The following TRIM67 variants were observed in gnomAD, a reference collection of about 807,000 sequenced individuals.
TRIM67 encodes the protein tripartite motif containing 67.
TRIM67 carries 39 observed loss-of-function variants against 71.0 expected under a neutral mutation model. The observed-to-expected ratio is 0.55, with a 90% CI of 0.43 to 0.72. The LOEUF is 0.72. Among genes scored for constraint, TRIM67 ranks in the 30% least tolerant of loss-of-function variants. The pLI is 0.00. For missense variants in TRIM67, 973 were observed against 1,079.2 expected, an observed-to-expected ratio of 0.90 and a Z score of 1.38; for synonymous variants, 481 against 473.9, an observed-to-expected ratio of 1.01 and a Z score of -0.19.
chr1:231,207,757 G>A (rs1005598754), intron 7 of TRIM67, among the ~76,000 whole-genome samples: 7 of 152,240 alleles, frequency 4.6e-5, no homozygotes, highest in East Asian at 1.9e-4. Flanking sequence ...AGGAGAGCTC[G>A]CTAGCTTCTG....
At chr1:231,183,726 C>T (rs1426912614) in intron 1 of TRIM67, among the ~76,000 whole-genome samples, 1 of 152,116 alleles carries the variant, frequency 6.6e-6, no homozygotes, top group Non-Finnish European at 1.5e-5. Context: ...ACGTAGATAG[C>T]ATTGAATATG....
chr1:231,213,005 CT>C (rs745816188), intron 8 of TRIM67, among the ~76,000 whole-genome samples: 1 of 152,098 alleles, frequency 6.6e-6, no homozygotes, highest in Non-Finnish European at 1.5e-5. Flanking sequence ...CCATACGCTG[CT>C]TTTTGAGGGA....
chr1:231,220,571 G>T lies in TRIM67; in HGVS notation c.*5131G>T, dbSNP rs113315763. 6.6e-6 allele frequency: 1 copy of T among 152,328 alleles called. No homozygotes were observed. The highest frequency in any genetic ancestry group is 1.5e-5 in the Non-Finnish European group (1 of 68,138). The allele number at this position is 152,328 out of a possible 1,614,324, so 9.4% of individuals were successfully genotyped here. ...GTTTGAAATCCAGTGTGGATAGCAC[G>T]AAGAGATGCAACTGAGCCGAAGTTT... is the stretch of plus-strand genomic sequence containing the variant. On this transcript the variant is annotated 3_prime_UTR_variant, in exon 10 of 10. Transcript: ENST00000366653.
At chr1:231,167,602 G>T (rs1457145481) in intron 1 of TRIM67, among the ~76,000 whole-genome samples, 5 of 106,144 alleles carry the variant, frequency 4.7e-5, no homozygotes, top group Non-Finnish European at 8.5e-5. Context: ...GATTACAGGC[G>T]TGAGCCACCG....
intron 3 of TRIM67, 61 bp downstream of exon 3, chr1:231,199,230 G>T: frequency 1.3e-6 from 2 of 1,539,664 alleles, no homozygotes; most frequent in Non-Finnish European, 1.8e-6. Context: ...CCAGCGTGGG[G>T]TGGAGCACAG....
chr1:231,195,694 T>C (rs544754286), intron 1 of TRIM67, among the ~76,000 whole-genome samples: 8 of 152,322 alleles, frequency 5.3e-5, no homozygotes, highest in East Asian at 1.9e-4. Context: ...CTGTGTCTTT[T>C]TGTGGGCTTC....
intron 3 of TRIM67, among the ~76,000 whole-genome samples, 159 bp from the exon 4 acceptor site, chr1:231,199,987 ATG>A (rs1683474887): frequency 6.6e-6 from 1 of 152,208 alleles, no homozygotes; most frequent in African/African-American, 2.4e-5. Flanking sequence ...AAGAGGACAC[ATG>A]GAGCTTAGCA....
In TRIM67 at chr1:231,162,355, G is replaced by C. The variant is rs1270444652; in HGVS notation, c.-615G>C. ...GAGGTGGCCGCGGCCCCAGCGACCC[G>C]GCGGGTGGCGGCCCAGGGGTCGGCG... On this transcript the variant is annotated 5_prime_UTR_variant, in exon 1 of 10. Transcript: ENST00000366653. The C allele has an allele frequency of 1.3e-5, 2 of 152,176 alleles. No homozygotes were observed. Among genetic ancestry groups the C allele is most frequent in the Non-Finnish European group, 2.9e-5 (2 of 68,042 alleles). 9.4% of individuals were successfully genotyped at this position (152,176 alleles called of 1,614,324 possible).
At position 231,215,950 on chromosome 1, in the gene TRIM67, C is replaced by CA; in HGVS notation, c.*510_*511insA. ...TGCTGAGAAAGTTATCTTTTAGCTTCTTGGTCCTAGAGTCTTTAGTAGCAC... is the reference window on the plus strand; with the variant it reads ...TGCTGAGAAAGTTATCTTTTAGCTTCATTGGTCCTAGAGTCTTTAGTAGCAC... On this transcript the variant is annotated 3_prime_UTR_variant, in exon 10 of 10. Transcript: ENST00000366653. 1.0e-6 allele frequency: 1 copy of CA among 987,134 alleles called. No homozygotes were observed. 61.1% of individuals were successfully genotyped at this position (987,134 alleles called of 1,614,324 possible). A position where few individuals can be genotyped will look rare whatever the true frequency, so the allele number is the denominator to read the frequency against.
In TRIM67 at chr1:231,216,221, C is replaced by G. The variant is rs1684010082; in HGVS notation, c.*781C>G. On this transcript the variant is annotated 3_prime_UTR_variant, in exon 10 of 10. Coordinates refer to ENST00000366653, the MANE Select transcript of TRIM67 (RefSeq NM_001004342.5). ...CTCTCTTTCTTCCTTTCCTCCTTCT[C>G]TCTTACTTTCCTCCATCCCTGCCTC... is the stretch of plus-strand genomic sequence containing the variant. 1.0e-6 allele frequency: 1 copy of G among 960,420 alleles called. No homozygotes were observed. Among genetic ancestry groups the G allele is most frequent in the Non-Finnish European group, 1.2e-6 (1 of 807,834 alleles). 59.5% of individuals were successfully genotyped at this position (960,420 alleles called of 1,614,324 possible). A position where few individuals can be genotyped will look rare whatever the true frequency, so the allele number is the denominator to read the frequency against.
chr1:231,212,319 G>A (rs1417234401), intron 8 of TRIM67, among the ~76,000 whole-genome samples: 1 of 152,172 alleles, frequency 6.6e-6, no homozygotes, highest in African/African-American at 2.4e-5. Context: ...TTATCTCTTA[G>A]AGAAAAATCC....
intron 4 of TRIM67, 120 bp downstream of exon 4, chr1:231,200,378 T>C (rs12069815): frequency 0.14 from 89,831 of 645,858 alleles, 8,847 homozygotes; most frequent in African/African-American, 0.4. Flanking sequence ...TTCTCCTTTG[T>C]TCAATGATTC....
At chr1:231,203,815 C>G in intron 5 of TRIM67, 52 bp from the exon 6 acceptor site, 1 of 1,578,690 alleles carries the variant, frequency 6.3e-7, no homozygotes, top group Non-Finnish European at 8.6e-7. Flanking sequence ...GGGGACCGGG[C>G]TGGGGCCCTC....
intron 8 of TRIM67, among the ~76,000 whole-genome samples, chr1:231,212,220 G>T (rs997644583): frequency 6.6e-6 from 1 of 152,194 alleles, no homozygotes; most frequent in African/African-American, 2.4e-5. Flanking sequence ...GTTACAAGAA[G>T]AGCAACGGTA....
At chr1:231,176,895 A>G (rs1008631454) in intron 1 of TRIM67, among the ~76,000 whole-genome samples, 2 of 131,592 alleles carry the variant, frequency 1.5e-5, no homozygotes, top group East Asian at 2.4e-4. Flanking sequence ...CTGTTTGCCA[A>G]TACAATCTGG....
At chr1:231,178,425 G>A (rs939759102) in intron 1 of TRIM67, among the ~76,000 whole-genome samples, 1 of 152,224 alleles carries the variant, frequency 6.6e-6, no homozygotes. Flanking sequence ...TACACCACAT[G>A]TGCGTGTTCA....
chr1:231,215,856 A>G lies in TRIM67; in HGVS notation c.*416A>G. 3 of 1,003,046 alleles carry G rather than the reference A, an allele frequency of 3.0e-6. No individual in the cohort carries two copies. Among genetic ancestry groups the G allele is most frequent in the African/African-American group, 1.7e-5 (1 of 58,246 alleles). The allele number at this position is 1,003,046 out of a possible 1,614,324, so 62.1% of individuals were successfully genotyped here. On this transcript the variant is annotated 3_prime_UTR_variant, in exon 10 of 10. Coordinates refer to ENST00000366653, the MANE Select transcript of TRIM67 (RefSeq NM_001004342.5). ...CAGTCAGGAGCTGCGCTGTAATCCC[A>G]CGCCCCGGGTGTTGGCCCTCCGTGG...
At chr1:231,211,030 AAATATATAT>A (rs1218237154) in intron 8 of TRIM67, among the ~76,000 whole-genome samples, 3 of 123,520 alleles carry the variant, frequency 2.4e-5, no homozygotes, top group African/African-American at 9.6e-5. Context: ...CAAAAAAAAA[AAATATATAT>A]ATATATATAT....
intron 1 of TRIM67, among the ~76,000 whole-genome samples, chr1:231,174,773 G>A (rs1264218092): frequency 6.6e-6 from 1 of 152,134 alleles, no homozygotes; most frequent in Non-Finnish European, 1.5e-5. Context: ...TGTGCTCTGG[G>A]AGGTTGTTTT....
Sources: allele counts gnomAD v4.1 joint callset (sites outside exome capture counted in the v4.1 genomes callset), GRCh38; gene constraint gnomAD v4.1.1; transcripts MANE v1.5; gene names NCBI Gene and HGNC (gene_info 2026-07-23, HGNC 2026-07-21).